The following PTPRM variants were observed in gnomAD, a reference collection of about 807,000 sequenced individuals.
The protein encoded by PTPRM is receptor-type tyrosine-protein phosphatase mu.
A neutral mutation model predicts 186.7 loss-of-function variants in PTPRM; 47 were observed. That is an observed-to-expected ratio of 0.25 (90% CI 0.20 to 0.32). The LOEUF (loss-of-function observed/expected upper bound fraction) is 0.32. Among genes scored for constraint, PTPRM ranks in the 10% least tolerant of loss-of-function variants. The pLI is 1.00. For synonymous variants in PTPRM, 668 were observed against 674.9 expected (o/e 0.99, Z 0.16); for missense variants, 1,494 against 1,865.0 (o/e 0.80, Z 3.66).
At chr18:7,611,615 C>A (rs980422373) in intron 1 of PTPRM, among the ~76,000 whole-genome samples, 1 of 152,146 alleles carries the variant, frequency 6.6e-6, no homozygotes, top group Non-Finnish European at 1.5e-5. Flanking sequence ...TGTCCCCACC[C>A]AAATCTCATC....
At chr18:8,358,734 C>T (rs2095578695) in intron 23 of PTPRM, among the ~76,000 whole-genome samples, 1 of 152,178 alleles carries the variant, frequency 6.6e-6, no homozygotes, top group Non-Finnish European at 1.5e-5. Context: ...TGTTGCCTTC[C>T]CTGCCAGACC....
intron 1 of PTPRM, among the ~76,000 whole-genome samples, chr18:7,758,038 G>C (rs541504006): frequency 6.6e-6 from 1 of 152,244 alleles, no homozygotes; most frequent in Non-Finnish European, 1.5e-5. Context: ...CTAAAATTCA[G>C]AGCCCCAACC....
intron 7 of PTPRM, among the ~76,000 whole-genome samples, chr18:8,000,105 A>G (rs1184109333): frequency 2.0e-5 from 3 of 152,216 alleles, no homozygotes; most frequent in African/African-American, 4.8e-5. Context: ...GCCCACCTGC[A>G]TTAGGGAGGG....
chr18:8,302,514 T>G (rs10163974), intron 20 of PTPRM, among the ~76,000 whole-genome samples: 147,970 of 152,174 alleles, frequency 0.97, 71,998 homozygotes, highest in Non-Finnish European at 1. Context: ...TTAATAAAAT[T>G]TCATTGGAAA....
chr18:8,089,381 C>T (rs2090597508), intron 11 of PTPRM, among the ~76,000 whole-genome samples: 1 of 152,152 alleles, frequency 6.6e-6, no homozygotes, highest in South Asian at 2.1e-4. Flanking sequence ...TAATTACCAA[C>T]ATCTAGGCCC....
At chr18:8,360,047 G>C (rs984567001) in intron 23 of PTPRM, among the ~76,000 whole-genome samples, 7 of 152,154 alleles carry the variant, frequency 4.6e-5, no homozygotes, top group Admixed American at 3.9e-4. Flanking sequence ...AGTAACCACT[G>C]GGGCCTCTCC....
At chr18:7,699,726 A>AT in intron 1 of PTPRM, among the ~76,000 whole-genome samples, 1 of 77,506 alleles carries the variant, frequency 1.3e-5, no homozygotes, top group Non-Finnish European at 2.3e-5. Context: ...CTAACTTACA[A>AT]GTTTTTTTTT....
At chr18:7,905,839 T>G (rs564773684) in intron 3 of PTPRM, among the ~76,000 whole-genome samples, 1 of 152,328 alleles carries the variant, frequency 6.6e-6, no homozygotes. Context: ...TAAATCTTAC[T>G]ACCCCACATG....
At chr18:7,813,287 G>A (rs2044628436) in intron 2 of PTPRM, among the ~76,000 whole-genome samples, 1 of 152,228 alleles carries the variant, frequency 6.6e-6, no homozygotes, top group African/African-American at 2.4e-5. Flanking sequence ...ACGTTAGTGT[G>A]TTAGGACCTC....
chr18:7,907,776 G>A (rs1231928187), intron 4 of PTPRM, among the ~76,000 whole-genome samples: 1 of 151,884 alleles, frequency 6.6e-6, no homozygotes, highest in Non-Finnish European at 1.5e-5. Flanking sequence ...GTGTGTATGC[G>A]CATGTGTGTG....
chr18:8,064,930 A>G (rs1480391728), intron 7 of PTPRM, among the ~76,000 whole-genome samples: 1 of 152,150 alleles, frequency 6.6e-6, no homozygotes, highest in Non-Finnish European at 1.5e-5. Context: ...GTGACCGGTG[A>G]GGCAGGAGTA....
At chr18:7,681,329 T>C (rs922408742) in intron 1 of PTPRM, among the ~76,000 whole-genome samples, 5 of 152,194 alleles carry the variant, frequency 3.3e-5, no homozygotes, top group Non-Finnish European at 7.3e-5. Context: ...AGAAATTAAA[T>C]AGCTTGCCAA....
intron 32 of PTPRM, among the ~76,000 whole-genome samples, chr18:8,395,563 A>G (rs1375271850): frequency 6.6e-6 from 1 of 152,162 alleles, no homozygotes; most frequent in East Asian, 1.9e-4. Context: ...TCTCCAGGGC[A>G]TCCACTTTGC....
At chr18:7,708,500 C>T (rs2040144200) in intron 1 of PTPRM, among the ~76,000 whole-genome samples, 1 of 152,190 alleles carries the variant, frequency 6.6e-6, no homozygotes, top group Admixed American at 6.5e-5. Flanking sequence ...TTAAAGCCTT[C>T]AACCTGCTGT....
chr18:8,366,859 G>GC (rs1568839572), intron 23 of PTPRM: 1 of 152,266 alleles, frequency 6.6e-6, no homozygotes, highest in Non-Finnish European at 1.5e-5. Flanking sequence ...CGCCTTACGT[G>GC]ATTAGGATGC....
intron 23 of PTPRM, among the ~76,000 whole-genome samples, chr18:8,344,472 A>ATATATATATATATATATATATATATC (rs1161839943): frequency 3.4e-5 from 5 of 146,920 alleles, no homozygotes; most frequent in Admixed American, 2.7e-4. Context: ...ATATATATAT[A>ATATATATATATATATATATATATATC]TATCTAGCAA....
intron 1 of PTPRM, among the ~76,000 whole-genome samples, chr18:7,740,005 GTTTAAA>G (rs2040855574): frequency 1.3e-5 from 2 of 152,322 alleles, no homozygotes; most frequent in Non-Finnish European, 2.9e-5. Context: ...ACATTGTGCT[GTTTAAA>G]TTTAAACTCA....
chr18:7,870,166 G>A lies in PTPRM; in HGVS notation c.197-17940G>A, dbSNP rs569207211. Reference sequence around the variant, plus strand: ...TGAATATCACTCTAAGCTTTATCAGGCACCTTTTTGCCTTACTCAACATAA... The same window carrying A: ...TGAATATCACTCTAAGCTTTATCAGACACCTTTTTGCCTTACTCAACATAA... On this transcript the variant is annotated intron_variant, in intron 2 of 32. Coordinates refer to ENST00000580170, the MANE Select transcript of PTPRM (RefSeq NM_001105244.2). Among the ~76,000 whole-genome samples, 6 of 152,164 alleles carry A rather than the reference G, an allele frequency of 3.9e-5. No homozygotes were observed. In the East Asian group the frequency reaches 1.2e-3, roughly 29 times the overall value.
At chr18:7,660,270 A>G (rs2038948513) in intron 1 of PTPRM, among the ~76,000 whole-genome samples, 1 of 152,050 alleles carries the variant, frequency 6.6e-6, no homozygotes, top group Non-Finnish European at 1.5e-5. Flanking sequence ...TTGGAGGCTG[A>G]GGTTACAGTG....
Sources: gnomAD v4.1 joint callset for allele counts (sites outside exome capture counted in the v4.1 genomes callset) on GRCh38, gnomAD v4.1.1 for gene constraint, MANE v1.5 for transcripts, NCBI Gene and HGNC (gene_info 2026-07-23, HGNC 2026-07-21) for gene names.